Variants in PIK3CA observed in about 807,000 individuals in gnomAD.
The protein encoded by PIK3CA is phosphatidylinositol 4,5-bisphosphate 3-kinase catalytic subunit alpha isoform.
A neutral mutation model predicts 138.2 loss-of-function variants in PIK3CA; 27 were observed. The observed-to-expected ratio is 0.20, with a 90% CI of 0.14 to 0.27. The LOEUF (loss-of-function observed/expected upper bound fraction) is 0.27, where lower values mean the gene tolerates loss of function less well. Ranked by LOEUF, PIK3CA falls within the 10% of genes least tolerant of loss-of-function variation. The pLI is 1.00. For synonymous variants in PIK3CA, 358 were observed against 413.2 expected (o/e 0.87, Z 1.62); for missense variants, 544 against 1,277.4 (o/e 0.43, Z 8.75).
chr3:179,162,411 A>T (rs559282694), intron 1 of PIK3CA, among the ~76,000 whole-genome samples: 6 of 152,194 alleles, frequency 3.9e-5, no homozygotes, highest in Admixed American at 3.3e-4. Flanking sequence ...GGGTTTCGCC[A>T]TGTTGCCCAG....
intron 9 of PIK3CA, among the ~76,000 whole-genome samples, chr3:179,217,947 A>G (rs573674674): frequency 6.6e-6 from 1 of 152,214 alleles, no homozygotes; most frequent in South Asian, 2.1e-4. Flanking sequence ...GTTGTTGGCT[A>G]ACTTCAGCAG....
intron 3 of PIK3CA, among the ~76,000 whole-genome samples, chr3:179,200,743 C>T (rs556868271): frequency 3.0e-4 from 46 of 152,220 alleles, no homozygotes; most frequent in South Asian, 2.1e-3. Context: ...TTTGTCTTCC[C>T]GTTTTCTTCA....
At chr3:179,214,290 G>A (rs1255580451) in intron 9 of PIK3CA, among the ~76,000 whole-genome samples, 1 of 152,284 alleles carries the variant, frequency 6.6e-6, no homozygotes, top group African/African-American at 2.4e-5. Flanking sequence ...AGCTTTTGAT[G>A]TGAAGCAAGA....
intron 1 of PIK3CA, among the ~76,000 whole-genome samples, chr3:179,190,600 A>G (rs960635539): frequency 6.6e-6 from 1 of 152,182 alleles, no homozygotes; most frequent in African/African-American, 2.4e-5. Flanking sequence ...ATCAGACTAA[A>G]GATTCATTTG....
intron 1 of PIK3CA, among the ~76,000 whole-genome samples, chr3:179,177,388 C>G (rs1723724905): frequency 1.3e-5 from 2 of 148,252 alleles, no homozygotes; most frequent in Admixed American, 1.4e-4. Context: ...TCTCCACTCA[C>G]TGCAACCTCC....
At chr3:179,196,949 A>C (rs1282475461) in intron 1 of PIK3CA, among the ~76,000 whole-genome samples, 8 of 152,126 alleles carry the variant, frequency 5.3e-5, no homozygotes, top group Non-Finnish European at 1.0e-4. Context: ...GATGGGTTAG[A>C]TGTTGATTGG....
rs1322919844 is a variant in PIK3CA at position 179,239,362 on chromosome 3, T to C, written c.*4998T>C. 1.0e-5 allele frequency: 2 copies of C among 198,410 alleles called. No individual in the cohort carries two copies. Among genetic ancestry groups the C allele is most frequent in the African/African-American group, 4.6e-5 (2 of 43,408 alleles). The allele number at this position is 198,410 out of a possible 1,614,324, so 12.3% of individuals were successfully genotyped here. On this transcript the variant is annotated 3_prime_UTR_variant, in exon 21 of 21. Coordinates refer to ENST00000263967, the MANE Select transcript of PIK3CA (RefSeq NM_006218.4). ...TTGGCAAGGAGGCAGAAAACCTTCA[T>C]TGTTTCATATTAAAATATAATTAGA...
chr3:179,200,143 G>A (rs1361939729), intron 3 of PIK3CA, among the ~76,000 whole-genome samples: 2 of 151,916 alleles, frequency 1.3e-5, no homozygotes, highest in Non-Finnish European at 2.9e-5. Flanking sequence ...TAAAACGGAA[G>A]AAGTATGAGT....
intron 1 of PIK3CA, among the ~76,000 whole-genome samples, chr3:179,187,253 G>A (rs889078206): frequency 6.6e-6 from 1 of 151,936 alleles, no homozygotes; most frequent in African/African-American, 2.4e-5. Context: ...TAAGAGAAAG[G>A]GAGGCCGGGT....
intron 9 of PIK3CA, among the ~76,000 whole-genome samples, chr3:179,214,056 G>A (rs1174996626): frequency 1.3e-5 from 2 of 152,188 alleles, no homozygotes; most frequent in Non-Finnish European, 2.9e-5. Flanking sequence ...TTTGACTTAA[G>A]GAAAAGTTGT....
At chr3:179,174,574 A>ACTCT (rs1723648536) in intron 1 of PIK3CA, among the ~76,000 whole-genome samples, 1 of 152,326 alleles carries the variant, frequency 6.6e-6, no homozygotes, top group Middle Eastern at 3.4e-3. Flanking sequence ...ACCACTTTCA[A>ACTCT]CTATTTAAGC....
chr3:179,206,086 C>CTTTTTTTTTTTTTTTTTTTTTT (rs751353057), intron 6 of PIK3CA, among the ~76,000 whole-genome samples: 1 of 105,172 alleles, frequency 9.5e-6, no homozygotes, highest in African/African-American at 3.8e-5. Flanking sequence ...ACTTCAGGAT[C>CTTTTTTTTTTTTTTTTTTTTTT]TTTTTTTTTT....
chr3:179,165,972 T>C (rs150169146), intron 1 of PIK3CA, among the ~76,000 whole-genome samples: 18 of 152,330 alleles, frequency 1.2e-4, no homozygotes, highest in Middle Eastern at 3.4e-3. Flanking sequence ...CCATAGCCTC[T>C]ATTACAACAC....
rs1032415039 is a variant in PIK3CA, at chr3:179,236,989, G to C, written c.*2625G>C. The C allele has an allele frequency of 5.0e-6, 1 of 198,520 alleles. No individual in the cohort carries two copies. Among genetic ancestry groups the C allele is most frequent in the Admixed American group, 6.0e-5 (1 of 16,540 alleles). 12.3% of individuals were successfully genotyped at this position (198,520 alleles called of 1,614,324 possible). A position where few individuals can be genotyped will look rare whatever the true frequency, so the allele number is the denominator to read the frequency against. ...GGTGTAACTGACTATTGGCTCTACAGTTTTATTGGGCCACTTAAGAAATAT... is the reference window on the plus strand; with the variant it reads ...GGTGTAACTGACTATTGGCTCTACACTTTTATTGGGCCACTTAAGAAATAT... On this transcript the variant is annotated 3_prime_UTR_variant, in exon 21 of 21. Coordinates refer to ENST00000263967, the MANE Select transcript of PIK3CA (RefSeq NM_006218.4).
At chr3:179,214,627 G>A (rs1724795555) in intron 9 of PIK3CA, among the ~76,000 whole-genome samples, 1 of 152,184 alleles carries the variant, frequency 6.6e-6, no homozygotes, top group Non-Finnish European at 1.5e-5. Context: ...GACAAAAAAT[G>A]AGCCATGCAT....
intron 6 of PIK3CA, among the ~76,000 whole-genome samples, chr3:179,206,086 C>CTTTTTT (rs751353057): frequency 1.4e-4 from 15 of 105,148 alleles, no homozygotes; most frequent in African/African-American, 1.9e-4. Flanking sequence ...ACTTCAGGAT[C>CTTTTTT]TTTTTTTTTT....
intron 1 of PIK3CA, among the ~76,000 whole-genome samples, chr3:179,172,974 A>G (rs1159064346): frequency 6.6e-6 from 1 of 152,232 alleles, no homozygotes; most frequent in African/African-American, 2.4e-5. Context: ...ATATAGATGG[A>G]TGAAAGAGAT....
At chr3:179,233,739 A>G (rs373727364) in intron 20 of PIK3CA, among the ~76,000 whole-genome samples, 4 of 152,158 alleles carry the variant, frequency 2.6e-5, no homozygotes, top group South Asian at 2.1e-4. Flanking sequence ...ACTTTTTACA[A>G]TCTTCTATAA....
At chr3:179,211,016 G>T (rs911887975) in intron 9 of PIK3CA, among the ~76,000 whole-genome samples, 1 of 151,806 alleles carries the variant, frequency 6.6e-6, no homozygotes, top group African/African-American at 2.4e-5. Flanking sequence ...TTGGAGATTT[G>T]TGACAATTTG....
Sources: allele counts gnomAD v4.1 joint callset (sites outside exome capture counted in the v4.1 genomes callset), GRCh38; gene constraint gnomAD v4.1.1; transcripts MANE v1.5; gene names NCBI Gene and HGNC (gene_info 2026-07-23, HGNC 2026-07-21).